Variants in TMEM250 observed in about 807,000 individuals in gnomAD.
The protein encoded by TMEM250 is herpes virus UL25-binding protein.
Under a neutral mutation model 7.0 loss-of-function variants are expected in TMEM250, and 7 were observed. The ratio of observed to expected loss-of-function variants is 1.00; its 90% confidence interval spans 0.57 to 1.87. The LOEUF is 1.87. Ranked by LOEUF, TMEM250 falls within the 40% of genes most tolerant of loss-of-function variation. TMEM250 has a pLI of 0.00. For synonymous variants in TMEM250, 135 were observed against 96.7 expected, an observed-to-expected ratio of 1.40 and a Z score of -2.32; for missense variants, 196 against 202.5, an observed-to-expected ratio of 0.97 and a Z score of 0.19.
chr9:136,116,260 C>G lies in TMEM250; in HGVS notation c.*221G>C. 1.1e-6 allele frequency: 1 copy of G among 920,046 alleles called. No homozygotes were observed. Among genetic ancestry groups the G allele is most frequent in the South Asian group, 2.0e-5 (1 of 51,090 alleles). The allele number at this position is 920,046 out of a possible 1,614,324, so 57.0% of individuals were successfully genotyped here. A position where few individuals can be genotyped will look rare whatever the true frequency, so the allele number is the denominator to read the frequency against. The stretch of plus-strand genomic sequence containing the variant: ...AGGAGCCACCGGCAGGTGGGCGCTG[C>G]CCCTGAGAGTGCATACGGGGAGGGT... On this transcript the variant is annotated 3_prime_UTR_variant, in exon 2 of 2. Coordinates refer to ENST00000418388, the MANE Select transcript of TMEM250 (RefSeq NM_152833.3).
In TMEM250 at chr9:136,116,172, AGAGGCCCACAGAGAG is replaced by A. The variant is rs992979991; in HGVS notation, c.*294_*308del. On this transcript the variant is annotated 3_prime_UTR_variant, in exon 2 of 2. Transcript: ENST00000418388. ...GTCCCTGGCAGCTGTGGTCCTGGAG[AGAGGCCCACAGAGAG>A]GCGGAACGGAGGGCCCACCCCGCAG... The A allele has an allele frequency of 4.5e-5, 23 of 511,746 alleles. No homozygotes were observed. Among genetic ancestry groups the A allele is most frequent in the Non-Finnish European group, 7.8e-5 (23 of 293,156 alleles). 31.7% of individuals were successfully genotyped at this position (511,746 alleles called of 1,614,324 possible).
At chr9:136,117,094 T>C (rs1830723456) in intron 1 of TMEM250, 70 bp from the exon 2 acceptor site, 8 of 932,698 alleles carry the variant, frequency 8.6e-6, no homozygotes, top group Non-Finnish European at 8.7e-6. Flanking sequence ...GGCAATCAGC[T>C]GGCGAAAGTG....
At chr9:136,118,311 G>C (rs866361522) in intron 1 of TMEM250, 174 bp downstream of exon 1, 1 of 152,218 alleles carries the variant, frequency 6.6e-6, no homozygotes, top group South Asian at 2.1e-4. Flanking sequence ...CTGTTTCCTC[G>C]GGGCCGCAGA....
rs1564256791 is a variant in TMEM250 at position 136,116,911 on chromosome 9, C to T, written c.-11G>A. The T allele has an allele frequency of 4.7e-6, 7 of 1,487,080 alleles. No homozygotes were observed. Among genetic ancestry groups the T allele is most frequent in the Middle Eastern group, 1.8e-4 (1 of 5,676 alleles). The allele number at this position is 1,487,080 out of a possible 1,614,324, so 92.1% of individuals were successfully genotyped here. On this transcript the variant is annotated 5_prime_UTR_variant, in exon 2 of 2. Coordinates refer to ENST00000418388, the MANE Select transcript of TMEM250 (RefSeq NM_152833.3). Reference sequence around the variant, plus strand: ...GGGCATGACCGGCATTGGGCCCCGGCGGCGGCGGCGCTAGGTCGCAGTGGC... The same window carrying T: ...GGGCATGACCGGCATTGGGCCCCGGTGGCGGCGGCGCTAGGTCGCAGTGGC...
In TMEM250 at chr9:136,116,751, C is replaced by T. The variant is rs778298587; in HGVS notation, c.150G>A (p.Leu50=). The T allele has an allele frequency of 4.1e-5, 66 of 1,612,414 alleles. No individual in the cohort carries two copies. The highest frequency in any genetic ancestry group is 4.9e-5 in the Non-Finnish European group (58 of 1,179,752). The part of the protein sequence containing the change: ...NFDVYIKTRW[L]YGFIRFLLYF... ...AGAGTAGGAAGCGGATGAAGCCGTA[C>T]AGCCAGCGCGTCTTGATGTACACGT... The change falls in exon 2 of 2, where the codon CTG becomes CTA. Residue 50 remains leucine (L), a synonymous_variant. Transcript: ENST00000418388.
At chr9:136,118,146 C>G (rs1301863453) in intron 1 of TMEM250, 1 of 152,260 alleles carries the variant, frequency 6.6e-6, no homozygotes, top group Non-Finnish European at 1.5e-5. Context: ...CCGGCCTTGG[C>G]CTGGAGCTCG....
intron 1 of TMEM250, chr9:136,117,970 T>G (rs773379738): frequency 1.3e-5 from 2 of 152,286 alleles, no homozygotes; most frequent in Non-Finnish European, 2.9e-5. Context: ...GAGCTTCGCC[T>G]GCCTTCAGAT....
chr9:136,116,456 T>C lies in TMEM250; in HGVS notation c.*25A>G, dbSNP rs530333652. 2.0e-6 allele frequency: 3 copies of C among 1,504,472 alleles called. No homozygotes were observed. Among genetic ancestry groups the C allele is most frequent in the African/African-American group, 2.8e-5 (2 of 72,506 alleles). The allele number at this position is 1,504,472 out of a possible 1,614,324, so 93.2% of individuals were successfully genotyped here. A position where few individuals can be genotyped will look rare whatever the true frequency, so the allele number is the denominator to read the frequency against. On this transcript the variant is annotated 3_prime_UTR_variant, in exon 2 of 2. Transcript: ENST00000418388. Reference sequence around the variant, plus strand: ...AGAACACAGCCACAGGCCGGGACGATACATCAAGCTCGCACCCACGGCCCT... The same window carrying C: ...AGAACACAGCCACAGGCCGGGACGACACATCAAGCTCGCACCCACGGCCCT...
At position 136,116,969 on chromosome 9, in the gene TMEM250, G is replaced by A. The variant is rs1564256874; in HGVS notation, c.-69C>T. The A allele has an allele frequency of 2.2e-6, 3 of 1,383,468 alleles. No homozygotes were observed. The highest frequency in any genetic ancestry group is 3.2e-5 in the South Asian group (2 of 62,110). 85.7% of individuals were successfully genotyped at this position (1,383,468 alleles called of 1,614,324 possible). A position where few individuals can be genotyped will look rare whatever the true frequency, so the allele number is the denominator to read the frequency against. On this transcript the variant is annotated 5_prime_UTR_variant, in exon 2 of 2. Transcript: ENST00000418388. Reference sequence around the variant, plus strand: ...GTGTCCAGGCGGCTGTTGGCGTAGGGGTCATGGGCGCCTAGGCCTGGGAGC... The same window carrying A: ...GTGTCCAGGCGGCTGTTGGCGTAGGAGTCATGGGCGCCTAGGCCTGGGAGC...
At position 136,116,368 on chromosome 9, in the gene TMEM250, G is replaced by GT; in HGVS notation, c.*112_*113insA. 7.0e-7 allele frequency: 1 copy of GT among 1,433,194 alleles called. No homozygotes were observed. The highest frequency in any genetic ancestry group is 1.5e-5 in the South Asian group (1 of 67,708). The allele number at this position is 1,433,194 out of a possible 1,614,324, so 88.8% of individuals were successfully genotyped here. A position where few individuals can be genotyped will look rare whatever the true frequency, so the allele number is the denominator to read the frequency against. On this transcript the variant is annotated 3_prime_UTR_variant, in exon 2 of 2. Coordinates refer to ENST00000418388, the MANE Select transcript of TMEM250 (RefSeq NM_152833.3). ...CCTTTCTTTTCTCTCCGTGGGCGCC[G>GT]GGCAGCAGCGACTGCCTGGGGGATG... is the stretch of plus-strand genomic sequence containing the variant.
Position 136,116,663 on chromosome 9 carries a change from G to A in TMEM250, c.238C>T (p.Gln80Ter), listed in dbSNP as rs56101341. The part of the protein sequence containing the change: ...WGALAALFCL[Q>*]YLGVRVLLRF... ...AGCAGGACGCGAACGCCCAGGTACTGTAGGCAGAAGAGGGCGGCCAGCGCA... is the reference window on the plus strand; with the variant it reads ...AGCAGGACGCGAACGCCCAGGTACTATAGGCAGAAGAGGGCGGCCAGCGCA... Residue 80 changes from glutamine (Q) to a stop codon, truncating the protein, a stop_gained, in exon 2 of 2, where the codon CAG becomes TAG. Transcript: ENST00000418388. LOFTEE classifies it high-confidence loss of function. The A allele has an allele frequency of 6.2e-7, 1 of 1,611,888 alleles. No homozygotes were observed. The highest frequency in any genetic ancestry group is 8.5e-7 in the Non-Finnish European group (1 of 1,179,728).
rs1031630067 is a variant in TMEM250, at chr9:136,117,034, G to C, written c.-124-10C>G. ...GGGGGGAGGCGTCGGCCTGCGGGGAGAGCCGCAAAACCCACGTCAGTATGA... is the reference window on the plus strand; with the variant it reads ...GGGGGGAGGCGTCGGCCTGCGGGGACAGCCGCAAAACCCACGTCAGTATGA... On this transcript the variant is annotated splice_polypyrimidine_tract_variant and intron_variant, in intron 1 of 1. Transcript: ENST00000418388. 5.2e-6 allele frequency: 7 copies of C among 1,338,588 alleles called. No homozygotes were observed. Among genetic ancestry groups the C allele is most frequent in the Non-Finnish European group, 5.7e-6 (6 of 1,046,094 alleles). The allele number at this position is 1,338,588 out of a possible 1,614,324, so 82.9% of individuals were successfully genotyped here. A position where few individuals can be genotyped will look rare whatever the true frequency, so the allele number is the denominator to read the frequency against.
In TMEM250 at chr9:136,116,817, C is replaced by A; in HGVS notation, c.84G>T (p.Val28=). The A allele has an allele frequency of 6.2e-7, 1 of 1,608,946 alleles. No homozygotes were observed. Among genetic ancestry groups the A allele is most frequent in the Non-Finnish European group, 8.5e-7 (1 of 1,178,612 alleles). The change falls in exon 2 of 2, where the codon GTG becomes GTT. Residue 28 remains valine, a synonymous_variant. Coordinates refer to ENST00000418388, the MANE Select transcript of TMEM250 (RefSeq NM_152833.3). ...TGGTGCGGGCCAGGTGGGAGGCGCG[C>A]ACGGGCCCGCAGGCCGCATGCAGGC... The part of the protein sequence containing the change: ...TTCLHAACGP[V]RASHLARTKY...
At chr9:136,117,699 G>A (rs1373389774) in intron 1 of TMEM250, among the ~76,000 whole-genome samples, 1 of 152,194 alleles carries the variant, frequency 6.6e-6, no homozygotes, top group Non-Finnish European at 1.5e-5. Flanking sequence ...GTCCAATGGG[G>A]GTGCCAATAG....
Position 136,116,589 on chromosome 9 carries a change from C to A in TMEM250, c.312G>T (p.Arg104=). The A allele has an allele frequency of 6.2e-7, 1 of 1,602,866 alleles. No individual in the cohort carries two copies. ...LSVLLLLLGR[R]RVDFRLVNEL... ...CGTTCACCAGGCGGAAGTCCACGCGCCGGCGGCCCAGCAGCAGCAGCAGCA... is the reference window on the plus strand; with the variant it reads ...CGTTCACCAGGCGGAAGTCCACGCGACGGCGGCCCAGCAGCAGCAGCAGCA... Residue 104 remains arginine, a synonymous_variant, in exon 2 of 2, where the codon CGG becomes CGT. Transcript: ENST00000418388.
chr9:136,118,050 C>T (rs939251535), intron 1 of TMEM250: 1 of 152,302 alleles, frequency 6.6e-6, no homozygotes, highest in Non-Finnish European at 1.5e-5. Flanking sequence ...GCCTGACCCT[C>T]CCGTGCCCGC....
At position 136,117,029 on chromosome 9, in the gene TMEM250, G is replaced by A; in HGVS notation, c.-124-5C>T. On this transcript the variant is annotated splice_polypyrimidine_tract_variant and splice_region_variant and intron_variant, in intron 1 of 1. Transcript: ENST00000418388. ...ACCCTGGGGGGAGGCGTCGGCCTGCGGGGAGAGCCGCAAAACCCACGTCAG... is the reference window on the plus strand; with the variant it reads ...ACCCTGGGGGGAGGCGTCGGCCTGCAGGGAGAGCCGCAAAACCCACGTCAG... The A allele has an allele frequency of 7.5e-7, 1 of 1,341,484 alleles. No individual in the cohort carries two copies. Among genetic ancestry groups the A allele is most frequent in the Non-Finnish European group, 9.5e-7 (1 of 1,048,454 alleles). The allele number at this position is 1,341,484 out of a possible 1,614,324, so 83.1% of individuals were successfully genotyped here. A position where few individuals can be genotyped will look rare whatever the true frequency, so the allele number is the denominator to read the frequency against.
rs1367184044 is a variant in TMEM250, at chr9:136,116,799, G to A, written c.102C>T (p.Ala34=). The part of the protein sequence containing the change: ...ACGPVRASHL[A]RTKYNNFDVY... ...CGTCGAAGTTGTTGTACTTGGTGCG[G>A]GCCAGGTGGGAGGCGCGCACGGGCC... Residue 34 remains alanine, a synonymous_variant, in exon 2 of 2, where the codon GCC becomes GCT. Transcript: ENST00000418388. The A allele has an allele frequency of 6.2e-7, 1 of 1,612,134 alleles. No homozygotes were observed. Among genetic ancestry groups the A allele is most frequent in the South Asian group, 1.1e-5 (1 of 91,086 alleles).
At position 136,116,920 on chromosome 9, in the gene TMEM250, C is replaced by T; in HGVS notation, c.-20G>A. ...CGGCATTGGGCCCCGGCGGCGGCGG[C>T]GCTAGGTCGCAGTGGCGGCGGCGGT... On this transcript the variant is annotated 5_prime_UTR_variant, in exon 2 of 2. Transcript: ENST00000418388. 6.9e-7 allele frequency: 1 copy of T among 1,459,660 alleles called. No individual in the cohort carries two copies. The highest frequency in any genetic ancestry group is 9.0e-7 in the Non-Finnish European group (1 of 1,113,508). 90.4% of individuals were successfully genotyped at this position (1,459,660 alleles called of 1,614,324 possible). A position where few individuals can be genotyped will look rare whatever the true frequency, so the allele number is the denominator to read the frequency against.
Sources: allele counts gnomAD v4.1 joint callset (sites outside exome capture counted in the v4.1 genomes callset), GRCh38; gene constraint gnomAD v4.1.1; transcripts MANE v1.5; gene names NCBI Gene and HGNC (gene_info 2026-07-23, HGNC 2026-07-21).